CAPS2: variants seen among roughly 807,000 people sequenced by gnomAD.
The protein encoded by CAPS2 is calcyphosin-2.
CAPS2 carries 98 observed loss-of-function variants against 86.5 expected under a neutral mutation model. The observed-to-expected ratio is 1.13, with a 90% CI of 0.96 to 1.34. The LOEUF (loss-of-function observed/expected upper bound fraction) is 1.34. CAPS2 is among the 40% of genes most tolerant of loss of function. CAPS2 has a pLI of 0.00. For synonymous variants in CAPS2, 210 were observed against 225.1 expected (o/e 0.93, Z 0.60); for missense variants, 729 against 686.8 (o/e 1.06, Z -0.69).
intron 1 of CAPS2, among the ~76,000 whole-genome samples, chr12:75,348,323 CAA>C (rs2139405407): frequency 6.6e-6 from 1 of 152,112 alleles, no homozygotes; most frequent in Admixed American, 6.5e-5. Flanking sequence ...AAAACAAAGA[CAA>C]AGAATAAATA....
At chr12:75,306,066 G>A (rs760769740) in intron 7 of CAPS2, 52 of 1,470,168 alleles carry the variant, frequency 3.5e-5, no homozygotes, top group African/African-American at 7.0e-5. Flanking sequence ...CGTCTAGAAC[G>A]TGCTGCGCGT....
intron 7 of CAPS2, among the ~76,000 whole-genome samples, chr12:75,309,340 C>T (rs1246803313): frequency 6.6e-6 from 1 of 152,224 alleles, no homozygotes; most frequent in African/African-American, 2.4e-5. Context: ...TCGCTATCTG[C>T]GTGTGTCTCG....
In CAPS2 at chr12:75,291,836, T is replaced by A. The variant is rs752243101; in HGVS notation, c.1164-16A>T. The A allele has an allele frequency of 7.3e-7, 1 of 1,365,340 alleles. No homozygotes were observed. The highest frequency in any genetic ancestry group is 1.3e-5 in the South Asian group (1 of 76,622). The allele number at this position is 1,365,340 out of a possible 1,614,324, so 84.6% of individuals were successfully genotyped here. On this transcript the variant is annotated splice_polypyrimidine_tract_variant and intron_variant, in intron 12 of 16. Coordinates refer to ENST00000393284, the Ensembl canonical transcript of CAPS2. ...AGAAGCAGTTCTGCAATTGACATGT[T>A]CACAGGGATGAAATATATATATATT... is the stretch of plus-strand genomic sequence containing the variant.
At chr12:75,351,430 C>G (rs763956136) in intron 1 of CAPS2, among the ~76,000 whole-genome samples, 4 of 152,266 alleles carry the variant, frequency 2.6e-5, no homozygotes, top group Non-Finnish European at 4.4e-5. Context: ...TAAGGGCAGC[C>G]AGAGAGAAAG....
At chr12:75,277,701 C>T in exon 17 of CAPS2, 1 of 896,340 alleles carries the variant, frequency 1.1e-6, no homozygotes, top group Non-Finnish European at 1.3e-6. Flanking sequence ...TAGATGGATA[C>T]AGTGATATGT....
intron 7 of CAPS2, chr12:75,306,171 G>A (rs1345522180): frequency 1.1e-6 from 1 of 894,132 alleles, no homozygotes; most frequent in African/African-American, 1.7e-5. Context: ...AGAATTACCT[G>A]AAGTACCGGC....
At chr12:75,290,977 T>C (rs2035755027) in intron 13 of CAPS2, among the ~76,000 whole-genome samples, 1 of 152,016 alleles carries the variant, frequency 6.6e-6, no homozygotes, top group African/African-American at 2.4e-5. Flanking sequence ...TGTGATTGCT[T>C]ATTCAATATC....
rs559976926 is a variant in CAPS2 at position 75,381,197 on chromosome 12, T to C, written c.-395+9641A>G. On this transcript the variant is annotated intron_variant, in intron 1 of 5. Coordinates refer to the CAPS2 transcript ENST00000551829. ...AGTGAATAAGTCTCATGAGATCTGA[T>C]GGGTTTATCAAGGGTTTCTGCTTTT... Among the ~76,000 whole-genome samples the C allele has an allele frequency of 3.3e-5, 5 of 152,284 alleles. No homozygotes were observed. The East Asian group carries it at 7.7e-4, about 24-fold the overall frequency.
intron 7 of CAPS2, among the ~76,000 whole-genome samples, chr12:75,308,922 A>T (rs1042760593): frequency 1.9e-4 from 28 of 150,956 alleles, no homozygotes; most frequent in Non-Finnish European, 3.4e-4. Flanking sequence ...AAAAAAAAAA[A>T]AGGGGGTAAG....
At chr12:75,293,342 G>T in exon 12 of CAPS2, 1 of 1,611,246 alleles carries the variant, frequency 6.2e-7, no homozygotes, top group Non-Finnish European at 8.5e-7. Flanking sequence ...GAGATGATCA[G>T]AACTCAAAAA....
intron 7 of CAPS2, among the ~76,000 whole-genome samples, chr12:75,307,916 G>A (rs1194033103): frequency 1.3e-5 from 2 of 152,056 alleles, no homozygotes; most frequent in African/African-American, 4.8e-5. Context: ...GGAAACCTAA[G>A]GTCCATTCAC....
intron 1 of CAPS2, among the ~76,000 whole-genome samples, chr12:75,337,601 CTA>C (rs2041825032): frequency 6.6e-6 from 1 of 151,910 alleles, no homozygotes; most frequent in African/African-American, 2.4e-5. Flanking sequence ...ATAAAATGCA[CTA>C]GTTTTAATGT....
exon 17 of CAPS2, chr12:75,278,036 C>T: frequency 3.4e-6 from 3 of 891,484 alleles, no homozygotes; most frequent in Non-Finnish European, 4.0e-6. Flanking sequence ...CTGAACTATT[C>T]CTTGGATTCA....
chr12:75,303,660 A>G (rs566238733), intron 8 of CAPS2, among the ~76,000 whole-genome samples: 9 of 152,276 alleles, frequency 5.9e-5, no homozygotes, highest in African/African-American at 2.2e-4. Context: ...ATAAATGACG[A>G]CCTCCTCTGG....
chr12:75,282,161 C>T (rs1371760516), intron 16 of CAPS2, 90 bp downstream of exon 16: 2 of 758,228 alleles, frequency 2.6e-6, no homozygotes, highest in African/African-American at 3.6e-5. Flanking sequence ...TCCCTAATGG[C>T]CTCAGTCTAA....
chr12:75,390,665 G>A (rs988169630), intron 1 of CAPS2, among the ~76,000 whole-genome samples: 1 of 152,154 alleles, frequency 6.6e-6, no homozygotes, highest in Non-Finnish European at 1.5e-5. Flanking sequence ...TATCTGTATC[G>A]CAGAAAAATC....
At chr12:75,330,708 G>A (rs2041234129), upstream of CAPS2, among the ~76,000 whole-genome samples, 1 of 151,736 alleles carries the variant, frequency 6.6e-6, no homozygotes, top group African/African-American at 2.4e-5. Context: ...ATTTGTGTGT[G>A]TATATATAAT....
In CAPS2 at chr12:75,338,777, A is replaced by C. The variant is rs114925452; in HGVS notation, c.-394-15555T>G. 7.8e-3 allele frequency among the ~76,000 whole-genome samples: 1,180 copies of C among 151,998 alleles called. 14 individuals carry two copies. Among genetic ancestry groups the C allele is most frequent in the African/African-American group, 0.027 (1,137 of 41,434 alleles). On this transcript the variant is annotated intron_variant, in intron 1 of 5. Transcript: ENST00000551829. ...CCACCGCCTTCTGCCTACAGGCCCC[A>C]ATGTGTGTTGATCCCCCCATGTGTC...
chr12:75,351,900 C>A (rs2042840426), intron 1 of CAPS2, among the ~76,000 whole-genome samples: 1 of 152,054 alleles, frequency 6.6e-6, no homozygotes, highest in Non-Finnish European at 1.5e-5. Context: ...TCATATCCAG[C>A]CAAACAACAT....
Sources: gnomAD v4.1 joint callset for allele counts (sites outside exome capture counted in the v4.1 genomes callset) on GRCh38, gnomAD v4.1.1 for gene constraint, MANE v1.5 for transcripts, NCBI Gene and HGNC (gene_info 2026-07-23, HGNC 2026-07-21) for gene names.